The following GABRB2 variants were observed in gnomAD, a reference collection of about 807,000 sequenced individuals.
GABRB2 encodes the protein gamma-aminobutyric acid type A receptor subunit beta2.
In GABRB2, 16 loss-of-function variants were observed where a neutral mutation model predicts 54.7. The ratio of observed to expected loss-of-function variants is 0.29; its 90% CI spans 0.20 to 0.44. The LOEUF is 0.44. GABRB2 is among the 20% of genes least tolerant of loss of function. The probability of loss-of-function intolerance (pLI) is 1.00; values close to 1 mark genes in which losing one functional copy is unlikely to be tolerated. For synonymous variants in GABRB2, 244 were observed against 233.8 expected (o/e 1.04, Z -0.40); for missense variants, 355 against 644.0 (o/e 0.55, Z 4.86).
intron 5 of GABRB2, among the ~76,000 whole-genome samples, chr5:161,359,440 G>GACAC (rs57251440): frequency 0.024 from 3,558 of 147,748 alleles, 53 homozygotes; most frequent in East Asian, 0.033. Flanking sequence ...AATTGCATCT[G>GACAC]ACACACACAC....
chr5:161,356,729 C>T (rs1754642023), intron 5 of GABRB2, among the ~76,000 whole-genome samples: 1 of 152,122 alleles, frequency 6.6e-6, no homozygotes. Flanking sequence ...GTGCACAGGG[C>T]TCCTGAGCAA....
At chr5:161,504,981 A>C (rs1759560905) in intron 3 of GABRB2, among the ~76,000 whole-genome samples, 1 of 152,130 alleles carries the variant, frequency 6.6e-6, no homozygotes, top group African/African-American at 2.4e-5. Flanking sequence ...AAAATCCCTC[A>C]CAATTGCAGA....
intron 9 of GABRB2, among the ~76,000 whole-genome samples, chr5:161,301,698 G>T: frequency 6.6e-6 from 1 of 152,144 alleles, no homozygotes; most frequent in African/African-American, 2.4e-5. Flanking sequence ...GCCTTTACAA[G>T]GACCTATGCT....
At chr5:161,535,306 A>C (rs1760598461) in intron 3 of GABRB2, among the ~76,000 whole-genome samples, 1 of 152,218 alleles carries the variant, frequency 6.6e-6, no homozygotes, top group South Asian at 2.1e-4. Context: ...TGTGTATTAC[A>C]TTTAACACAC....
intron 5 of GABRB2, among the ~76,000 whole-genome samples, chr5:161,384,607 T>C (rs1434202865): frequency 6.6e-6 from 1 of 152,188 alleles, no homozygotes; most frequent in East Asian, 1.9e-4. Flanking sequence ...TAAGAGATGG[T>C]CTCAGCTTTT....
At chr5:161,300,072 T>C (rs939297692) in intron 9 of GABRB2, among the ~76,000 whole-genome samples, 1 of 152,156 alleles carries the variant, frequency 6.6e-6, no homozygotes, top group African/African-American at 2.4e-5. Context: ...TTGTTCTTCT[T>C]TTCACTTCAC....
chr5:161,534,116 C>T (rs1329324088), intron 3 of GABRB2, among the ~76,000 whole-genome samples: 1 of 152,144 alleles, frequency 6.6e-6, no homozygotes, highest in Non-Finnish European at 1.5e-5. Flanking sequence ...TTTCTAAAAG[C>T]ACAGCACAAT....
chr5:161,464,572 C>A (rs1165579820), intron 3 of GABRB2, among the ~76,000 whole-genome samples: 2 of 152,042 alleles, frequency 1.3e-5, no homozygotes, highest in African/African-American at 4.8e-5. Flanking sequence ...GACACAGAAC[C>A]TAGCAATCCC....
intron 3 of GABRB2, among the ~76,000 whole-genome samples, chr5:161,530,694 T>C (rs568895259): frequency 4.6e-5 from 7 of 152,194 alleles, no homozygotes; most frequent in East Asian, 1.9e-4. Flanking sequence ...TCTATAATTC[T>C]ACAGCTCTTT....
chr5:161,531,962 T>C (rs560426683), intron 3 of GABRB2, among the ~76,000 whole-genome samples: 28 of 152,248 alleles, frequency 1.8e-4, no homozygotes, highest in African/African-American at 6.5e-4. Flanking sequence ...AGTCTGCTCA[T>C]CTTTAAAATG....
At chr5:161,451,328 A>T (rs1370834133) in intron 4 of GABRB2, among the ~76,000 whole-genome samples, 1 of 152,182 alleles carries the variant, frequency 6.6e-6, no homozygotes, top group Non-Finnish European at 1.5e-5. Context: ...GTGTATACAC[A>T]TGTGAAGTCA....
At chr5:161,344,819 G>C (rs890160615) in intron 5 of GABRB2, among the ~76,000 whole-genome samples, 2 of 152,094 alleles carry the variant, frequency 1.3e-5, no homozygotes, top group African/African-American at 4.8e-5. Context: ...GGATAGACTG[G>C]AAAAAGAAAA....
chr5:161,305,069 T>C (rs1757648192), intron 9 of GABRB2, among the ~76,000 whole-genome samples: 1 of 141,646 alleles, frequency 7.1e-6, no homozygotes. Flanking sequence ...GACTGCGGAC[T>C]GCAGTGGCGC....
intron 3 of GABRB2, among the ~76,000 whole-genome samples, chr5:161,500,032 A>G (rs1401912344): frequency 3.3e-5 from 5 of 152,202 alleles, no homozygotes; most frequent in South Asian, 2.1e-4. Flanking sequence ...TGTAAGTTCC[A>G]TGAATTCTAT....
At chr5:161,313,786 G>T (rs1218791437) in intron 9 of GABRB2, among the ~76,000 whole-genome samples, 1 of 152,154 alleles carries the variant, frequency 6.6e-6, no homozygotes, top group African/African-American at 2.4e-5. Context: ...CTGGTGCTCT[G>T]AGCGCTTTCC....
chr5:161,368,116 G>GACACACACACACACACACACAC (rs11467721), intron 5 of GABRB2, among the ~76,000 whole-genome samples: 1 of 144,916 alleles, frequency 6.9e-6, no homozygotes, highest in Non-Finnish European at 1.5e-5. Context: ...CTCCCTCTCT[G>GACACACACACACACACACACAC]ACACACACAC....
intron 3 of GABRB2, among the ~76,000 whole-genome samples, chr5:161,523,895 C>A (rs1760193057): frequency 6.6e-6 from 1 of 151,186 alleles, no homozygotes; most frequent in Non-Finnish European, 1.5e-5. Flanking sequence ...CGAATGGAAG[C>A]AAGAATTTCA....
At chr5:161,403,269 G>A (rs1391686997) in intron 5 of GABRB2, among the ~76,000 whole-genome samples, 1 of 152,084 alleles carries the variant, frequency 6.6e-6, no homozygotes, top group Non-Finnish European at 1.5e-5. Context: ...CCTCCTAGGA[G>A]TGAGAGTGAA....
At chr5:161,316,512 A>G (rs985917599) in intron 9 of GABRB2, among the ~76,000 whole-genome samples, 25 of 151,904 alleles carry the variant, frequency 1.6e-4, no homozygotes, top group Admixed American at 5.2e-4. Context: ...CTTTTTGTTT[A>G]TTTTTACTTT....
Sources: allele counts gnomAD v4.1 joint callset (sites outside exome capture counted in the v4.1 genomes callset), GRCh38; gene constraint gnomAD v4.1.1; transcripts MANE v1.5; gene names NCBI Gene and HGNC (gene_info 2026-07-23, HGNC 2026-07-21).